The following CHD1L variants were observed in gnomAD, a reference collection of about 807,000 sequenced individuals.
CHD1L encodes the protein chromodomain helicase DNA binding protein 1 like.
CHD1L carries 118 observed loss-of-function variants against 115.9 expected under a neutral mutation model. The ratio of observed to expected loss-of-function variants is 1.02; its 90% CI spans 0.88 to 1.19. The LOEUF (loss-of-function observed/expected upper bound fraction) is 1.19, where lower values mean the gene tolerates loss of function less well. CHD1L is among the 50% of genes most tolerant of loss of function. The pLI, the probability that CHD1L is intolerant of heterozygous loss-of-function variation, is 0.00. For synonymous variants in CHD1L, 411 were observed against 387.1 expected (o/e 1.06, Z -0.72); for missense variants, 1,179 against 1,065.3 (o/e 1.11, Z -1.49).
upstream of CHD1L, among the ~76,000 whole-genome samples, chr1:147,240,799 T>A (rs782582221): frequency 5.9e-5 from 9 of 152,270 alleles, no homozygotes; most frequent in Non-Finnish European, 1.3e-4. Flanking sequence ...CAGAGACATT[T>A]GTTCACATGT....
chr1:147,242,860 G>A, intron 1 of CHD1L, 30 bp downstream of exon 1: 1 of 1,265,312 alleles, frequency 7.9e-7, no homozygotes, highest in Non-Finnish European at 1.0e-6. Context: ...ACTTCGGCCA[G>A]GCGGGCCAAC....
upstream of CHD1L, among the ~76,000 whole-genome samples, chr1:147,237,744 T>C (rs1664629084): frequency 6.6e-6 from 1 of 152,206 alleles, no homozygotes; most frequent in African/African-American, 2.4e-5. Flanking sequence ...GCTGGGCAGA[T>C]TGCATAAACG....
chr1:147,188,936 G>T, the CHD1L span, among the ~76,000 whole-genome samples: 1 of 152,094 alleles, frequency 6.6e-6, no homozygotes, highest in Non-Finnish European at 1.5e-5. Flanking sequence ...ACCAAACTCA[G>T]TAGTGAGAAG....
chr1:147,272,030 C>T (rs1019260440), intron 11 of CHD1L, 141 bp from the exon 12 acceptor site: 9 of 549,298 alleles, frequency 1.6e-5, no homozygotes, highest in East Asian at 3.0e-5. Context: ...TAAATTTTTC[C>T]CTTTGGGATT....
the CHD1L span, among the ~76,000 whole-genome samples, chr1:147,177,361 A>C: frequency 6.6e-6 from 1 of 152,242 alleles, no homozygotes. Flanking sequence ...TCATACTGAT[A>C]CAAGTAAATG....
intron 4 of CHD1L, 115 bp downstream of exon 4, chr1:147,256,042 G>T (rs1670004880): frequency 6.7e-6 from 4 of 601,396 alleles, no homozygotes; most frequent in Non-Finnish European, 5.6e-6. Context: ...TGGGCAGGGA[G>T]TCTACCTTCA....
At chr1:147,268,961 C>CCT in intron 10 of CHD1L, 83 bp downstream of exon 10, 2 of 997,742 alleles carry the variant, frequency 2.0e-6, no homozygotes, top group Non-Finnish European at 2.8e-6. Context: ...GTTGTTCAGG[C>CCT]CAATTCCAGT....
the CHD1L span, among the ~76,000 whole-genome samples, chr1:147,234,418 G>A: frequency 6.6e-6 from 1 of 152,290 alleles, no homozygotes; most frequent in South Asian, 2.1e-4. Flanking sequence ...GGAAGAGAAA[G>A]TGCATATCTA....
chr1:147,259,713 T>C lies in CHD1L; in HGVS notation c.495-124T>C, dbSNP rs17160062. The C allele has an allele frequency of 0.012, 9,213 of 744,694 alleles. 528 individuals carry two copies. In the East Asian group the frequency reaches 0.14, roughly 12 times the overall value. The allele number at this position is 744,694 out of a possible 1,614,324, so 46.1% of individuals were successfully genotyped here. A position where few individuals can be genotyped will look rare whatever the true frequency, so the allele number is the denominator to read the frequency against. On this transcript the variant is annotated intron_variant, in intron 5 of 22. Coordinates refer to ENST00000369258, the MANE Select transcript of CHD1L (RefSeq NM_004284.6). ...TCTCAGGAAGGTAATTTGGTGGCAT[T>C]TGTAATAGAAGGGGCTTACTGTTAA...
At chr1:147,214,056 T>C in the CHD1L span, among the ~76,000 whole-genome samples, 2 of 152,198 alleles carry the variant, frequency 1.3e-5, no homozygotes, top group Non-Finnish European at 2.9e-5. Context: ...TTATGATTTT[T>C]AGCTTTATAA....
At chr1:147,271,222 G>A (rs782442354) in intron 11 of CHD1L, 5 of 412,926 alleles carry the variant, frequency 1.2e-5, no homozygotes, top group South Asian at 1.0e-4. Flanking sequence ...AAACACCCAC[G>A]TTCCCATCAG....
the CHD1L span, among the ~76,000 whole-genome samples, chr1:147,220,944 C>CAAA: frequency 3.3e-3 from 448 of 137,304 alleles, 5 homozygotes; most frequent in Middle Eastern, 0.036. Context: ...TTTAAGTTTC[C>CAAA]AAAAAAAAAA....
the CHD1L span, chr1:147,201,411 C>T: frequency 2.0e-5 from 33 of 1,614,010 alleles, no homozygotes; most frequent in African/African-American, 8.0e-5. Context: ...CAGCTGTCTC[C>T]GTGAATTCCT....
the CHD1L span, among the ~76,000 whole-genome samples, chr1:147,231,540 G>T: frequency 6.6e-6 from 1 of 152,176 alleles, no homozygotes; most frequent in Non-Finnish European, 1.5e-5. Flanking sequence ...GTGCAGAGCT[G>T]AGTTCAATTC....
the CHD1L span, among the ~76,000 whole-genome samples, chr1:147,184,070 C>A: frequency 6.6e-6 from 1 of 152,118 alleles, no homozygotes; most frequent in Non-Finnish European, 1.5e-5. This position sits in a 1 kb window ranked among gnomAD's most constrained non-coding sequence, Gnocchi z 4.4. Flanking sequence ...AATTAAGTTA[C>A]ATTATGCATT....
chr1:147,242,310 G>C (rs1313129695), upstream of CHD1L, among the ~76,000 whole-genome samples: 1 of 152,136 alleles, frequency 6.6e-6, no homozygotes, highest in South Asian at 2.1e-4. Flanking sequence ...TGGAGGGCAC[G>C]GAACAAGTCT....
At chr1:147,262,876 T>C (rs72999638) in intron 6 of CHD1L, among the ~76,000 whole-genome samples, 1 of 152,072 alleles carries the variant, frequency 6.6e-6, no homozygotes, top group Non-Finnish European at 1.5e-5. Flanking sequence ...ATCCCAGTAA[T>C]CCTACTCCTA....
chr1:147,205,594 C>A, the CHD1L span, among the ~76,000 whole-genome samples: 1 of 151,968 alleles, frequency 6.6e-6, no homozygotes, highest in African/African-American at 2.4e-5. Flanking sequence ...CAGAACAGAG[C>A]CCTCAGAAAT....
chr1:147,266,934 A>T (rs1375419320), intron 8 of CHD1L, among the ~76,000 whole-genome samples: 1 of 152,226 alleles, frequency 6.6e-6, no homozygotes, highest in Non-Finnish European at 1.5e-5. Context: ...GGGAAAAAAC[A>T]CAGAATACAT....
Sources: allele counts gnomAD v4.1 joint callset (sites outside exome capture counted in the v4.1 genomes callset), GRCh38; gene constraint gnomAD v4.1.1; non-coding constraint Gnocchi (gnomAD v3.1); transcripts MANE v1.5; gene names NCBI Gene and HGNC (gene_info 2026-07-23, HGNC 2026-07-21).